PLEKHG4B: variants seen among roughly 807,000 people sequenced by gnomAD.
PLEKHG4B encodes the protein pleckstrin homology and RhoGEF domain containing G4B, also known as pleckstrin homology domain-containing family G member 4B.
PLEKHG4B carries 111 observed loss-of-function variants against 121.3 expected under a neutral mutation model. That is an observed-to-expected ratio of 0.92 (90% CI 0.78 to 1.07). The LOEUF (loss-of-function observed/expected upper bound fraction) is 1.07, where lower values mean the gene tolerates loss of function less well. PLEKHG4B is among the 50% of genes least tolerant of loss of function. PLEKHG4B has a pLI of 0.00. For synonymous variants in PLEKHG4B, 738 were observed against 725.0 expected (o/e 1.02, Z -0.29); for missense variants, 1,831 against 1,757.8 (o/e 1.04, Z -0.74).
chr5:168,703 T>C (rs1736433400), intron 13 of PLEKHG4B, among the ~76,000 whole-genome samples: 1 of 152,150 alleles, frequency 6.6e-6, no homozygotes, highest in African/African-American at 2.4e-5. Context: ...TGATCAATAA[T>C]GTGGAAATGT....
Position 135,316 on chromosome 5 carries a change from TAAAG to T in PLEKHG4B, c.244-4164_244-4161del, listed in dbSNP as rs1328326745. ...AATACAAAGCATTGCTGAAAGAAATTAAAGAAGATGTAAATAATTGTAAACACAT... is the reference window on the plus strand; with the variant it reads ...AATACAAAGCATTGCTGAAAGAAATTAAGATGTAAATAATTGTAAACACAT... On this transcript the variant is annotated intron_variant, in intron 2 of 19. Transcript: ENST00000637938. Among the ~76,000 whole-genome samples, 10 of 151,534 alleles carry T rather than the reference TAAAG, an allele frequency of 6.6e-5. No homozygotes were observed. The South Asian group carries it at 1.7e-3, about 25-fold the overall frequency.
At chr5:158,651 C>A (rs1735884294) in intron 11 of PLEKHG4B, among the ~76,000 whole-genome samples, 2 of 149,828 alleles carry the variant, frequency 1.3e-5, no homozygotes, top group Admixed American at 6.6e-5. Flanking sequence ...CCTCCCTCTG[C>A]CCATCCTGGG....
At position 157,758 on chromosome 5, in the gene PLEKHG4B, A is replaced by G. The variant is rs1486263444; in HGVS notation, c.2487+847A>G. On this transcript the variant is annotated intron_variant, in intron 11 of 19. Coordinates refer to ENST00000637938, the MANE Select transcript of PLEKHG4B (RefSeq NM_052909.5). The surrounding 1 kb of genome is among the most constrained non-coding windows in gnomAD (Gnocchi z 4.6). The stretch of plus-strand genomic sequence containing the variant: ...CATATAAACTCTTCAAAACTTGCAC[A>G]TTTTTATATAAATCCTTATTATTTT... Among the ~76,000 whole-genome samples, 1 of 152,168 alleles carries G rather than the reference A, an allele frequency of 6.6e-6. No individual in the cohort carries two copies. The highest frequency in any genetic ancestry group is 1.9e-4 in the East Asian group (1 of 5,198).
intron 18 of PLEKHG4B, among the ~76,000 whole-genome samples, chr5:178,736 T>C (rs1321697507): frequency 6.6e-6 from 1 of 152,230 alleles, no homozygotes; most frequent in Admixed American, 6.5e-5. Context: ...TTTTTAGCAG[T>C]GCCTTTTGCC....
At chr5:128,095 G>C (rs768508161) in intron 2 of PLEKHG4B, among the ~76,000 whole-genome samples, 2 of 152,168 alleles carry the variant, frequency 1.3e-5, no homozygotes, top group Non-Finnish European at 2.9e-5. Flanking sequence ...AGGGACAATA[G>C]ATGACAAATG....
intron 2 of PLEKHG4B, among the ~76,000 whole-genome samples, chr5:135,951 G>A (rs1054555377): frequency 6.6e-6 from 1 of 151,786 alleles, no homozygotes; most frequent in African/African-American, 2.4e-5. Flanking sequence ...AAAGCAGTGT[G>A]ACACTGGCAT....
chr5:140,616 C>T lies in PLEKHG4B; in HGVS notation c.1377C>T (p.His459=), dbSNP rs1335144069. ...AGGCTGCAGCCTGCCACACCTCCCA[C>T]CACTCAGCAGGCTCCAGGCCTGGGG... ...GAQAAACHTS[H]HSAGSRPGGH... Residue 459 remains histidine, a synonymous_variant, in exon 3 of 20, where the codon CAC becomes CAT. Coordinates refer to ENST00000637938, the MANE Select transcript of PLEKHG4B (RefSeq NM_052909.5). 1.2e-6 allele frequency: 2 copies of T among 1,611,018 alleles called. No homozygotes were observed. Among genetic ancestry groups the T allele is most frequent in the South Asian group, 2.2e-5 (2 of 90,990 alleles).
intron 8 of PLEKHG4B, among the ~76,000 whole-genome samples, 170 bp downstream of exon 8, chr5:155,161 ATGCC>A (rs1393466168): frequency 2.0e-5 from 3 of 152,192 alleles, no homozygotes; most frequent in African/African-American, 7.2e-5. Flanking sequence ...GCATCTGAGA[ATGCC>A]GAGCCCGGGT....
At position 115,693 on chromosome 5, in the gene PLEKHG4B, C is replaced by T. The variant is rs112119277; in HGVS notation, c.243+2245C>T. On this transcript the variant is annotated intron_variant, in intron 2 of 19. Transcript: ENST00000637938. ...CCTGCTGCTTCACCTTGCATTTTTACGTTAAGGAGATGGCTTCTTTCCTTA... is the reference window on the plus strand; with the variant it reads ...CCTGCTGCTTCACCTTGCATTTTTATGTTAAGGAGATGGCTTCTTTCCTTA... 3.1e-3 allele frequency among the ~76,000 whole-genome samples: 466 copies of T among 152,326 alleles called. 1 individual carries two copies. Among genetic ancestry groups the T allele is most frequent in the African/African-American group, 0.01 (417 of 41,570 alleles).
chr5:94,000 T>C lies in PLEKHG4B; in HGVS notation c.45+1724T>C, dbSNP rs115173866. ...GAATGAGTTTGTCCTCTCTTTGCGTTTGAACAAAAGTCAGGCCATCTAGAG... is the reference window on the plus strand; with the variant it reads ...GAATGAGTTTGTCCTCTCTTTGCGTCTGAACAAAAGTCAGGCCATCTAGAG... On this transcript the variant is annotated intron_variant, in intron 1 of 19. Coordinates refer to ENST00000637938, the MANE Select transcript of PLEKHG4B (RefSeq NM_052909.5). Among the ~76,000 whole-genome samples, 867 of 152,294 alleles carry C rather than the reference T, an allele frequency of 5.7e-3. 11 individuals carry two copies. The highest frequency in any genetic ancestry group is 0.02 in the African/African-American group (817 of 41,552).
rs537083348 is a variant in PLEKHG4B at position 111,869 on chromosome 5, G to A, written c.46-1382G>A. 7.2e-5 allele frequency among the ~76,000 whole-genome samples: 11 copies of A among 152,190 alleles called. No homozygotes were observed. The South Asian group carries it at 2.3e-3, about 32-fold the overall frequency. ...CCTGGTGCCCGATGTGGGTGATTCT[G>A]TCCCCGGCCTGAGACAGGCCCACTC... On this transcript the variant is annotated intron_variant, in intron 1 of 19. Transcript: ENST00000637938.
At chr5:155,566 C>T in intron 9 of PLEKHG4B, 123 bp downstream of exon 9, 1 of 745,112 alleles carries the variant, frequency 1.3e-6, no homozygotes, top group Non-Finnish European at 2.3e-6. Context: ...CCTTCAAATC[C>T]TTTTTCATTT....
At chr5:151,183 G>A (rs899459280) in intron 6 of PLEKHG4B, among the ~76,000 whole-genome samples, 2 of 152,198 alleles carry the variant, frequency 1.3e-5, no homozygotes, top group Non-Finnish European at 2.9e-5. Context: ...GCTACGAAGA[G>A]GCACAAGAGA....
In PLEKHG4B at chr5:143,279, C is replaced by T. The variant is rs766273219; in HGVS notation, c.1687+23C>T. The T allele has an allele frequency of 1.9e-6, 3 of 1,609,224 alleles. No individual in the cohort carries two copies. In the Admixed American group the frequency reaches 5.0e-5, roughly 27 times the overall value. The stretch of plus-strand genomic sequence containing the variant: ...CAGGTGAGAGCACATGCCAGGCTCT[C>T]CTGTCAGGGCGGATCTGACATCTAA... On this transcript the variant is annotated intron_variant, in intron 4 of 19. Transcript: ENST00000637938.
Position 163,443 on chromosome 5 carries a change from C to G in PLEKHG4B, c.3371C>G (p.Pro1124Arg), listed in dbSNP as rs148435989. 4 of 1,612,854 alleles carry G rather than the reference C, an allele frequency of 2.5e-6. No individual in the cohort carries two copies. In the African/African-American group the frequency reaches 5.3e-5, roughly 22 times the overall value. The change falls in exon 13 of 20, where the codon CCG becomes CGG. Residue 1124 changes from proline to arginine, a missense_variant. By Grantham distance (103) the Pro-to-Arg change is moderately radical (BLOSUM62 -2). Coordinates refer to ENST00000637938, the MANE Select transcript of PLEKHG4B (RefSeq NM_052909.5). ...ACTGTAGCCACAGAGAAGAAGCTCC[C>G]GCTGTGGCAGCATGCCAGGAGCCCC... ...TSTVATEKKL[P>R]LWQHARSPPV...
chr5:123,038 C>T (rs995495197), intron 2 of PLEKHG4B, among the ~76,000 whole-genome samples: 9 of 152,148 alleles, frequency 5.9e-5, no homozygotes, highest in African/African-American at 9.7e-5. Flanking sequence ...ACCTGAACAA[C>T]GTTAATAATA....
intron 2 of PLEKHG4B, among the ~76,000 whole-genome samples, chr5:134,070 T>A (rs1447762864): frequency 2.0e-5 from 2 of 101,366 alleles, no homozygotes; most frequent in African/African-American, 3.7e-5. Context: ...TATATATATA[T>A]GATAGAATAT....
chr5:112,065 C>T (rs1320124643), intron 1 of PLEKHG4B, among the ~76,000 whole-genome samples: 1 of 152,248 alleles, frequency 6.6e-6, no homozygotes, highest in Non-Finnish European at 1.5e-5. Flanking sequence ...TCTGCATGAA[C>T]TCAGACTGTA....
At chr5:141,509 C>T (rs1419447177) in intron 3 of PLEKHG4B, among the ~76,000 whole-genome samples, 2 of 150,866 alleles carry the variant, frequency 1.3e-5, no homozygotes, top group Non-Finnish European at 2.9e-5. Flanking sequence ...TCTCCCTCTC[C>T]TTGCTCTTGG....
Sources: allele counts gnomAD v4.1 joint callset (sites outside exome capture counted in the v4.1 genomes callset), GRCh38; gene constraint gnomAD v4.1.1; non-coding constraint Gnocchi (gnomAD v3.1); transcripts MANE v1.5; gene names NCBI Gene and HGNC (gene_info 2026-07-23, HGNC 2026-07-21).